The following DST variants were observed in gnomAD, a reference collection of about 807,000 sequenced individuals.
The protein encoded by DST is bullous pemphigoid antigen.
Under a neutral mutation model 875.2 loss-of-function variants are expected in DST, and 253 were observed. That is an observed-to-expected ratio of 0.29 (90% CI 0.26 to 0.32). The LOEUF (loss-of-function observed/expected upper bound fraction) is 0.32, where lower values mean the gene tolerates loss of function less well. DST is among the 10% of genes least tolerant of loss of function. DST has a pLI of 1.00. For synonymous variants in DST, 3,124 were observed against 3,197.1 expected (o/e 0.98, Z 0.77); for missense variants, 8,287 against 9,111.6 (o/e 0.91, Z 3.68).
chr6:56,482,723 G>C lies in DST; in HGVS notation c.21362C>G (p.Ser7121Cys). ...STRWETVCAL[S>C]ISKQTRLEAA... ...TTCTAACCGTGTTTGCTTTGATATA[G>C]AAAGTGCACACACGGTCTCCCAGCG... is the stretch of plus-strand genomic sequence containing the variant. The change falls in exon 89 of 104, where the codon TCT (serine) becomes TGT (cysteine). Residue 7121 changes from serine to cysteine, a missense_variant. Coordinates refer to ENST00000680361, the MANE Select transcript of DST (RefSeq NM_001374736.1). The C allele has an allele frequency of 6.2e-7, 1 of 1,613,808 alleles. No individual in the cohort carries two copies. Among genetic ancestry groups the C allele is most frequent in the Non-Finnish European group, 8.5e-7 (1 of 1,179,810 alleles).
At chr6:56,476,407 A>C in intron 91 of DST, 70 bp from the exon 92 acceptor site, 1 of 1,307,468 alleles carries the variant, frequency 7.6e-7, no homozygotes, top group Middle Eastern at 1.9e-4. Flanking sequence ...ATGTAAAATA[A>C]ATAAATTTTA....
At chr6:56,641,850 T>C (rs1259525563) in intron 17 of DST, 97 bp downstream of exon 17, 5 of 977,988 alleles carry the variant, frequency 5.1e-6, no homozygotes, top group Admixed American at 3.1e-5. Context: ...CAAAGAAATA[T>C]ATTTCATAAA....
At chr6:56,624,439 T>C (rs770877750) in intron 36 of DST, 91 bp downstream of exon 36, 2 of 825,766 alleles carry the variant, frequency 2.4e-6, no homozygotes, top group African/African-American at 1.7e-5. Flanking sequence ...AAATTTATCA[T>C]GAAACATGTT....
At position 56,782,140 on chromosome 6, in the gene DST, G is replaced by T. The variant is rs532652972; in HGVS notation, c.626-46851C>A. The stretch of plus-strand genomic sequence containing the variant: ...TTCGGTTTGCCAGTATTTTATTGAG[G>T]ATTTTTGCATCAATGTTCATCAAGG... On this transcript the variant is annotated intron_variant, in intron 4 of 103. Transcript: ENST00000680361. Among the ~76,000 whole-genome samples the T allele has an allele frequency of 3.4e-3, 512 of 152,246 alleles. 4 individuals are homozygous for T. The highest frequency in any genetic ancestry group is 0.012 in the African/African-American group (497 of 41,524).
At chr6:56,772,093 T>A (rs2099667615) in intron 4 of DST, among the ~76,000 whole-genome samples, 1 of 152,184 alleles carries the variant, frequency 6.6e-6, no homozygotes, top group Non-Finnish European at 1.5e-5. Flanking sequence ...GTCCAGGTTA[T>A]TTTAGACATG....
In DST at chr6:56,606,232, T is replaced by A. The variant is rs368888096; in HGVS notation, c.8396A>T (p.Tyr2799Phe). ...QSEESYGDYI[Y>F]DSNDQDDDDD... Reference sequence around the variant, plus strand: ...ATCGTCATCCTGATCATTACTGTCATATATATAATCCCCATAACTTTCTTC... The same window carrying A: ...ATCGTCATCCTGATCATTACTGTCAAATATATAATCCCCATAACTTTCTTC... The change falls in exon 40 of 104, where the codon TAT becomes TTT. Residue 2799 changes from tyrosine to phenylalanine, a missense_variant. Physicochemically the swap from Tyr to Phe is conservative, Grantham distance 22. Coordinates refer to ENST00000680361, the MANE Select transcript of DST (RefSeq NM_001374736.1). 1 of 1,566,820 alleles carries A rather than the reference T, an allele frequency of 6.4e-7. No homozygotes were observed. Among genetic ancestry groups the A allele is most frequent in the Admixed American group, 1.9e-5 (1 of 51,946 alleles).
intron 102 of DST, among the ~76,000 whole-genome samples, chr6:56,462,437 A>C (rs1307207308): frequency 6.6e-6 from 1 of 152,152 alleles, no homozygotes; most frequent in East Asian, 1.9e-4. Context: ...TACATTTATT[A>C]CCTGTTGAAA....
intron 89 of DST, 118 bp from the exon 90 acceptor site, chr6:56,482,296 T>G: frequency 8.5e-7 from 1 of 1,180,846 alleles, no homozygotes; most frequent in Admixed American, 3.1e-5. Context: ...GTTTTAAATT[T>G]AATTGCTTCA....
chr6:56,702,976 G>A (rs770070249), intron 7 of DST, among the ~76,000 whole-genome samples: 1 of 152,066 alleles, frequency 6.6e-6, no homozygotes, highest in Non-Finnish European at 1.5e-5. Flanking sequence ...TCCAACAAAA[G>A]CACAATTTCC....
rs1287186422 is a variant in DST at position 56,536,837 on chromosome 6, T to C, written c.16712A>G (p.Gln5571Arg). The C allele has an allele frequency of 3.1e-6, 5 of 1,612,130 alleles. No homozygotes were observed. In the South Asian group the frequency reaches 4.4e-5, roughly 14 times the overall value. The change falls in exon 62 of 104, where the codon CAG (glutamine) becomes CGG (arginine). Residue 5571 changes from glutamine (Q) to arginine (R), a missense_variant. Coordinates refer to ENST00000680361, the MANE Select transcript of DST (RefSeq NM_001374736.1). ...ATCATCCAGGTCATGCTCCAAGCCC[T>C]GAGTGCTAGTGCTTTTGGCAGCACT... ...IQSAAKSTSTQGLEHDLDDVN... is the reference protein window; with the variant it reads ...IQSAAKSTSTRGLEHDLDDVN...
chr6:56,898,088 G>A (rs1792322383), intron 3 of DST, among the ~76,000 whole-genome samples: 1 of 152,142 alleles, frequency 6.6e-6, no homozygotes, highest in Admixed American at 6.5e-5. Context: ...TTAGTGTGCT[G>A]TTTCCTGCAG....
At chr6:56,506,862 A>C in intron 75 of DST, 73 bp from the exon 76 acceptor site, 2 of 1,412,740 alleles carry the variant, frequency 1.4e-6, no homozygotes, top group Non-Finnish European at 1.9e-6. Context: ...ACACAACAAT[A>C]TCAATGGTAG....
chr6:56,519,167 G>GA, intron 69 of DST, among the ~76,000 whole-genome samples: 1 of 152,158 alleles, frequency 6.6e-6, no homozygotes, highest in Non-Finnish European at 1.5e-5. Flanking sequence ...CTAAATACTG[G>GA]AAAAACTAGC....
chr6:56,585,563 C>T (rs1056347806), intron 49 of DST, among the ~76,000 whole-genome samples: 12 of 151,992 alleles, frequency 7.9e-5, no homozygotes, highest in Non-Finnish European at 8.8e-5. Flanking sequence ...ATTCATTGAT[C>T]TTTTGAAGGG....
intron 2 of DST, among the ~76,000 whole-genome samples, chr6:56,935,769 A>G (rs1424706602): frequency 6.6e-6 from 1 of 152,108 alleles, no homozygotes; most frequent in Non-Finnish European, 1.5e-5. Context: ...CTACTAAAAT[A>G]CAAAAATTAG....
chr6:56,817,167 AT>A (rs1168551841), intron 4 of DST, among the ~76,000 whole-genome samples: 1 of 152,138 alleles, frequency 6.6e-6, no homozygotes, highest in Non-Finnish European at 1.5e-5. Flanking sequence ...AAAAATACTT[AT>A]AAAAAAACTA....
At chr6:56,462,112 C>G (rs546714114) in intron 102 of DST, 1 of 152,258 alleles carries the variant, frequency 6.6e-6, no homozygotes, top group East Asian at 1.9e-4. Flanking sequence ...AGGATCCTGG[C>G]CTTTAAGTTA....
intron 4 of DST, among the ~76,000 whole-genome samples, chr6:56,828,517 T>C (rs1262420913): frequency 6.6e-6 from 1 of 152,206 alleles, no homozygotes; most frequent in African/African-American, 2.4e-5. Context: ...CTTTTTCCAC[T>C]CATTTCTTCT....
intron 3 of DST, among the ~76,000 whole-genome samples, chr6:56,870,956 T>C (rs533189176): frequency 4.6e-5 from 7 of 151,756 alleles, no homozygotes; most frequent in Non-Finnish European, 1.0e-4. Flanking sequence ...GCAATGAAAA[T>C]ATAATAATAT....
Sources: allele counts gnomAD v4.1 joint callset (sites outside exome capture counted in the v4.1 genomes callset), GRCh38; gene constraint gnomAD v4.1.1; transcripts MANE v1.5; gene names NCBI Gene and HGNC (gene_info 2026-07-23, HGNC 2026-07-21).